Variants in NBAS observed in about 807,000 individuals in gnomAD.
NBAS encodes the protein NBAS subunit of NRZ tethering complex.
In NBAS, 219 loss-of-function variants were observed where a neutral mutation model predicts 302.5. The ratio of observed to expected loss-of-function variants is 0.72; its 90% CI spans 0.65 to 0.81. NBAS has a LOEUF of 0.81. Ranked by LOEUF, NBAS falls within the 30% of genes least tolerant of loss-of-function variation. NBAS has a pLI of 0.00. For missense variants in NBAS, 2,932 were observed against 2,841.6 expected, an observed-to-expected ratio of 1.03 and a Z score of -0.72; for synonymous variants, 1,118 against 1,021.6, an observed-to-expected ratio of 1.09 and a Z score of -1.80.
intron 21 of NBAS, among the ~76,000 whole-genome samples, chr2:15,439,391 A>C (rs190312993): frequency 6.6e-6 from 1 of 152,188 alleles, no homozygotes; most frequent in East Asian, 1.9e-4. Flanking sequence ...CCCACTAACA[A>C]AGCTAAAAGG....
At chr2:14,822,137 C>T in the NBAS span, among the ~76,000 whole-genome samples, 8 of 152,152 alleles carry the variant, frequency 5.3e-5, no homozygotes, top group African/African-American at 1.4e-4. Flanking sequence ...AGAACTCTTA[C>T]CAAAGAACCT....
intron 40 of NBAS, among the ~76,000 whole-genome samples, chr2:15,299,489 G>C (rs1981807): frequency 6.6e-6 from 1 of 151,888 alleles, no homozygotes; most frequent in Admixed American, 6.6e-5. Context: ...TAAACAGGTG[G>C]TGTGTTTCCC....
chr2:14,943,285 T>C, the NBAS span, among the ~76,000 whole-genome samples: 1 of 152,220 alleles, frequency 6.6e-6, no homozygotes, highest in African/African-American at 2.4e-5. Flanking sequence ...ATCCCCTTAA[T>C]TCCATGCATG....
chr2:15,322,050 A>G (rs1035430789), intron 38 of NBAS, among the ~76,000 whole-genome samples: 2 of 152,320 alleles, frequency 1.3e-5, no homozygotes, highest in South Asian at 4.1e-4. Context: ...ATGGAATACT[A>G]TGCAGTCATA....
At chr2:15,199,126 CAAA>C (rs71400641) in intron 48 of NBAS, among the ~76,000 whole-genome samples, 3 of 75,276 alleles carry the variant, frequency 4.0e-5, no homozygotes, top group Non-Finnish European at 2.6e-5. Context: ...GACTCCATCT[CAAA>C]AAAAAAAAAA....
chr2:15,167,280 A>G lies in NBAS; in HGVS notation c.6884T>C (p.Leu2295Pro), dbSNP rs752628693. 1 of 1,614,260 alleles carries G rather than the reference A, an allele frequency of 6.2e-7. No homozygotes were observed. The change falls in exon 52 of 52, where the codon CTG becomes CCG. Residue 2295 changes from leucine (L) to proline (P), a missense_variant. Physicochemically the swap from Leu to Pro is moderately conservative, Grantham distance 98. Transcript: ENST00000281513. ...ACACTTCACCAGCAGCTTGGCATCCAGGAGCAGGGAAAGAAGTTCTTGGTC... is the reference window on the plus strand; with the variant it reads ...ACACTTCACCAGCAGCTTGGCATCCGGGAGCAGGGAAAGAAGTTCTTGGTC... ...NCDQELLSLL[L>P]DAKLLVKCVS...
the NBAS span, among the ~76,000 whole-genome samples, chr2:14,993,972 T>C: frequency 2.0e-5 from 3 of 152,148 alleles, no homozygotes; most frequent in African/African-American, 2.4e-5. Context: ...TAAAGTCAGA[T>C]AGAGGAGATA....
chr2:15,051,787 G>A, the NBAS span, among the ~76,000 whole-genome samples: 1 of 152,182 alleles, frequency 6.6e-6, no homozygotes, highest in Non-Finnish European at 1.5e-5. Flanking sequence ...TCAAGTCAGT[G>A]ATTGATAGAT....
chr2:15,063,679 A>C, the NBAS span, among the ~76,000 whole-genome samples: 1 of 152,288 alleles, frequency 6.6e-6, no homozygotes, highest in South Asian at 2.1e-4. Context: ...TAGTGTCATT[A>C]GAAAGGAAAG....
At chr2:15,162,031 C>T (rs1316686618), downstream of NBAS, among the ~76,000 whole-genome samples, 2 of 152,184 alleles carry the variant, frequency 1.3e-5, no homozygotes, top group African/African-American at 4.8e-5. Context: ...TTACTCTCCT[C>T]CTGACACTAT....
At chr2:15,550,789 G>C (rs979893710) in intron 6 of NBAS, among the ~76,000 whole-genome samples, 1 of 152,006 alleles carries the variant, frequency 6.6e-6, no homozygotes, top group African/African-American at 2.4e-5. Context: ...GTTTCACCAT[G>C]TTGGCCAGGC....
At chr2:15,173,976 C>T (rs1664415642) in intron 51 of NBAS, among the ~76,000 whole-genome samples, 1 of 152,200 alleles carries the variant, frequency 6.6e-6, no homozygotes, top group African/African-American at 2.4e-5. Context: ...AGGCTGTGCA[C>T]AATGCATGCT....
At chr2:15,433,278 T>C (rs796979274) in intron 21 of NBAS, among the ~76,000 whole-genome samples, 7 of 152,328 alleles carry the variant, frequency 4.6e-5, no homozygotes, top group African/African-American at 1.7e-4. Context: ...TGCCTCACTT[T>C]CCTCACTAGT....
the NBAS span, among the ~76,000 whole-genome samples, chr2:14,911,282 T>C: frequency 6.6e-6 from 1 of 152,202 alleles, no homozygotes; most frequent in Non-Finnish European, 1.5e-5. Context: ...TGTGCATTTG[T>C]TTTTCTCTCC....
chr2:15,441,414 T>C (rs1477365730), intron 21 of NBAS, among the ~76,000 whole-genome samples: 3 of 151,780 alleles, frequency 2.0e-5, no homozygotes, highest in African/African-American at 7.3e-5. Context: ...CTAAGCTTCA[T>C]AAGTGAAGGA....
chr2:15,283,307 T>C (rs951860760), intron 42 of NBAS, among the ~76,000 whole-genome samples: 4 of 152,128 alleles, frequency 2.6e-5, no homozygotes, highest in African/African-American at 9.7e-5. Flanking sequence ...AGCCTTGATA[T>C]AGTTTGATTG....
chr2:14,980,907 C>T, the NBAS span, among the ~76,000 whole-genome samples: 1 of 151,988 alleles, frequency 6.6e-6, no homozygotes, highest in Non-Finnish European at 1.5e-5. Flanking sequence ...AACTTAATAA[C>T]TACATATTTT....
chr2:15,451,157 TC>T (rs1425376427), intron 21 of NBAS, among the ~76,000 whole-genome samples: 1 of 152,128 alleles, frequency 6.6e-6, no homozygotes, highest in Non-Finnish European at 1.5e-5. Flanking sequence ...GCTCAAGTGA[TC>T]CTCTTGCCTC....
intron 6 of NBAS, among the ~76,000 whole-genome samples, chr2:15,547,112 G>C (rs996343656): frequency 1.3e-5 from 2 of 152,102 alleles, no homozygotes. Context: ...CCTATTTATG[G>C]CCTAACAGAG....
Sources: allele counts gnomAD v4.1 joint callset (sites outside exome capture counted in the v4.1 genomes callset), GRCh38; gene constraint gnomAD v4.1.1; transcripts MANE v1.5; gene names NCBI Gene and HGNC (gene_info 2026-07-23, HGNC 2026-07-21).